CCSER1: variants seen among roughly 807,000 people sequenced by gnomAD.
The protein encoded by CCSER1 is coiled-coil serine rich protein 1.
CCSER1 carries 41 observed loss-of-function variants against 82.0 expected under a neutral mutation model. That is an observed-to-expected ratio of 0.50 (90% CI 0.39 to 0.65). The LOEUF (loss-of-function observed/expected upper bound fraction) is 0.65. CCSER1 is among the 30% of genes least tolerant of loss of function. The pLI is 0.00. For synonymous variants in CCSER1, 414 were observed against 383.9 expected (o/e 1.08, Z -0.92); for missense variants, 1,119 against 1,064.2 (o/e 1.05, Z -0.72).
intron 10 of CCSER1, among the ~76,000 whole-genome samples, chr4:91,229,344 T>C (rs1252171818): frequency 6.6e-6 from 1 of 150,920 alleles, no homozygotes; most frequent in Non-Finnish European, 1.5e-5. Context: ...CTTCTAGATA[T>C]GTTTTGAATT....
At chr4:90,270,451 A>G (rs7659222) in intron 1 of CCSER1, among the ~76,000 whole-genome samples, 7,378 of 151,966 alleles carry the variant, frequency 0.049, 474 homozygotes, top group African/African-American at 0.15. Context: ...ATTTGATAAA[A>G]TAATAAAACT....
rs931062072 is a variant in CCSER1 at position 91,602,796 on chromosome 4, T to C, written c.*3739T>C. On this transcript the variant is annotated 3_prime_UTR_variant, in exon 11 of 11. Coordinates refer to ENST00000509176, the MANE Select transcript of CCSER1 (RefSeq NM_001145065.2). Reference sequence around the variant, plus strand: ...TTGCCATTCATGTTACTGAATCACATGCCCCATAATCAGAAGCTTTTCCCT... The same window carrying C: ...TTGCCATTCATGTTACTGAATCACACGCCCCATAATCAGAAGCTTTTCCCT... Among the ~76,000 whole-genome samples the C allele has an allele frequency of 3.9e-5, 6 of 152,006 alleles. No homozygotes were observed. Among genetic ancestry groups the C allele is most frequent in the Non-Finnish European group, 7.4e-5 (5 of 67,938 alleles).
chr4:90,205,445 A>T, intron 1 of CCSER1, among the ~76,000 whole-genome samples: 1 of 152,214 alleles, frequency 6.6e-6, no homozygotes, highest in East Asian at 1.9e-4. Context: ...TTCTGCATCT[A>T]TTGAGATAAT....
intron 6 of CCSER1, among the ~76,000 whole-genome samples, chr4:90,673,744 A>G (rs1733255061): frequency 6.6e-6 from 1 of 152,032 alleles, no homozygotes; most frequent in South Asian, 2.1e-4. Flanking sequence ...AAGATTGCAA[A>G]AACAGCAACT....
At chr4:91,248,708 A>G (rs1308665426) in intron 10 of CCSER1, among the ~76,000 whole-genome samples, 1 of 152,128 alleles carries the variant, frequency 6.6e-6, no homozygotes, top group Non-Finnish European at 1.5e-5. Context: ...GGGTTTCTGA[A>G]ACAGAAAAAG....
intron 10 of CCSER1, among the ~76,000 whole-genome samples, chr4:91,554,765 CA>C (rs1162339126): frequency 6.6e-6 from 1 of 151,194 alleles, no homozygotes; most frequent in African/African-American, 2.4e-5. Context: ...AAAGACATCA[CA>C]CTACTGATTT....
At chr4:91,419,202 A>G (rs1560656310) in intron 10 of CCSER1, among the ~76,000 whole-genome samples, 1 of 152,036 alleles carries the variant, frequency 6.6e-6, no homozygotes. Context: ...TGCCACCTGC[A>G]TTCAAGATAA....
At chr4:90,359,776 A>G (rs1377507511) in intron 3 of CCSER1, among the ~76,000 whole-genome samples, 1 of 151,624 alleles carries the variant, frequency 6.6e-6, no homozygotes, top group Non-Finnish European at 1.5e-5. Flanking sequence ...AATCAGTCTT[A>G]TCTATGGTTT....
At chr4:90,610,231 C>T (rs1234884139) in intron 5 of CCSER1, among the ~76,000 whole-genome samples, 2 of 148,530 alleles carry the variant, frequency 1.3e-5, no homozygotes, top group African/African-American at 5.0e-5. Flanking sequence ...CCAGACTGGG[C>T]GACAGAACAA....
chr4:90,698,087 T>G (rs1290787538), intron 6 of CCSER1, among the ~76,000 whole-genome samples: 2 of 152,270 alleles, frequency 1.3e-5, no homozygotes, highest in Middle Eastern at 3.4e-3. Context: ...TTTCAAATGC[T>G]TAGGTGGAGA....
At chr4:90,256,501 A>G (rs1251099965) in intron 1 of CCSER1, among the ~76,000 whole-genome samples, 1 of 152,116 alleles carries the variant, frequency 6.6e-6, no homozygotes, top group Non-Finnish European at 1.5e-5. Context: ...TTCTGAAGAC[A>G]TTGCCCTTTC....
chr4:90,743,329 T>A (rs1204795150), intron 7 of CCSER1, among the ~76,000 whole-genome samples: 4 of 152,182 alleles, frequency 2.6e-5, no homozygotes, highest in African/African-American at 4.8e-5. Flanking sequence ...ATTTTGAAGA[T>A]AGATATAATT....
intron 10 of CCSER1, among the ~76,000 whole-genome samples, chr4:91,561,004 T>A (rs566495783): frequency 6.6e-6 from 1 of 151,488 alleles, no homozygotes; most frequent in Non-Finnish European, 1.5e-5. Context: ...AGTAAAACTA[T>A]ATGAAAAACC....
chr4:90,301,945 T>C (rs890459718), intron 1 of CCSER1, among the ~76,000 whole-genome samples: 2 of 152,186 alleles, frequency 1.3e-5, no homozygotes, highest in African/African-American at 4.8e-5. Flanking sequence ...TTCAGCATTA[T>C]TTTTTCATGT....
At chr4:90,951,716 A>G (rs956749570) in intron 9 of CCSER1, among the ~76,000 whole-genome samples, 1 of 152,078 alleles carries the variant, frequency 6.6e-6, no homozygotes, top group Non-Finnish European at 1.5e-5. Context: ...CCAGCTTCCT[A>G]AAGACACATT....
intron 1 of CCSER1, among the ~76,000 whole-genome samples, chr4:90,167,972 TC>T (rs1730845361): frequency 6.6e-6 from 1 of 152,134 alleles, no homozygotes; most frequent in African/African-American, 2.4e-5. Context: ...TGATTTATAA[TC>T]CTTTGGGTAT....
At chr4:91,472,127 T>A (rs1757316162) in intron 10 of CCSER1, among the ~76,000 whole-genome samples, 1 of 152,030 alleles carries the variant, frequency 6.6e-6, no homozygotes. Context: ...ACTTAGAGCT[T>A]TTATTTACCT....
At chr4:91,060,044 TAACA>T (rs1743825755) in intron 9 of CCSER1, among the ~76,000 whole-genome samples, 1 of 152,092 alleles carries the variant, frequency 6.6e-6, no homozygotes, top group South Asian at 2.1e-4. Context: ...CATGGTCCTA[TAACA>T]AACTCCTTTT....
At chr4:91,522,448 A>G (rs1036691909) in intron 10 of CCSER1, among the ~76,000 whole-genome samples, 1 of 152,158 alleles carries the variant, frequency 6.6e-6, no homozygotes, top group Admixed American at 6.5e-5. Context: ...CACTGAATCT[A>G]TAAATTACCT....
Sources: gnomAD v4.1 joint callset for allele counts (sites outside exome capture counted in the v4.1 genomes callset) on GRCh38, gnomAD v4.1.1 for gene constraint, MANE v1.5 for transcripts, NCBI Gene and HGNC (gene_info 2026-07-23, HGNC 2026-07-21) for gene names.